The following PLD1 variants were observed in gnomAD, a reference collection of about 807,000 sequenced individuals.
PLD1 encodes the protein phospholipase D1, also known as choline phosphatase 1.
Under a neutral mutation model 137.1 loss-of-function variants are expected in PLD1, and 112 were observed. The observed-to-expected ratio is 0.82, with a 90% CI of 0.70 to 0.96. The LOEUF (loss-of-function observed/expected upper bound fraction) is 0.96, where lower values mean the gene tolerates loss of function less well. Among genes scored for constraint, PLD1 ranks in the 40% least tolerant of loss-of-function variants. The pLI, the probability that PLD1 is intolerant of heterozygous loss-of-function variation, is 0.00. For synonymous variants in PLD1, 431 were observed against 454.7 expected, an observed-to-expected ratio of 0.95 and a Z score of 0.66; for missense variants, 1,321 against 1,342.0, an observed-to-expected ratio of 0.98 and a Z score of 0.24.
chr3:171,691,481 T>C (rs1458956273), intron 13 of PLD1, among the ~76,000 whole-genome samples: 1 of 152,196 alleles, frequency 6.6e-6, no homozygotes, highest in Admixed American at 6.5e-5. Context: ...AGCTATATAT[T>C]TGATTGCTAT....
chr3:171,769,592 G>A (rs1315122686), intron 1 of PLD1, among the ~76,000 whole-genome samples: 1 of 152,118 alleles, frequency 6.6e-6, no homozygotes, highest in African/African-American at 2.4e-5. Flanking sequence ...ACAGAGGCAG[G>A]GGCAATAACA....
chr3:171,780,537 G>A (rs897757701), intron 1 of PLD1, among the ~76,000 whole-genome samples: 3 of 64,704 alleles, frequency 4.6e-5, no homozygotes, highest in Middle Eastern at 0.014. Context: ...CCAGTAAAGG[G>A]GGCCAAAAAA....
intron 1 of PLD1, among the ~76,000 whole-genome samples, chr3:171,763,678 A>C (rs1164903732): frequency 2.6e-5 from 4 of 151,986 alleles, no homozygotes. Context: ...ATTATTCCTG[A>C]TCCCTGATTT....
Position 171,735,651 on chromosome 3 carries a change from T to C in PLD1, c.289-14A>G, listed in dbSNP as rs1225510351. 12 of 1,414,330 alleles carry C rather than the reference T, an allele frequency of 8.5e-6. No homozygotes were observed. Among genetic ancestry groups the C allele is most frequent in the Non-Finnish European group, 1.1e-5 (11 of 1,001,960 alleles). 87.6% of individuals were successfully genotyped at this position (1,414,330 alleles called of 1,614,324 possible). A position where few individuals can be genotyped will look rare whatever the true frequency, so the allele number is the denominator to read the frequency against. The stretch of plus-strand genomic sequence containing the variant: ...AATACTTGGTACCTACAGTGATACA[T>C]AAAAATGTTTGATATTTTAGATAAC... On this transcript the variant is annotated splice_polypyrimidine_tract_variant and intron_variant, in intron 3 of 26. Coordinates refer to ENST00000351298, the MANE Select transcript of PLD1 (RefSeq NM_002662.5).
At chr3:171,760,984 T>C (rs769884711) in intron 1 of PLD1, among the ~76,000 whole-genome samples, 1 of 152,182 alleles carries the variant, frequency 6.6e-6, no homozygotes, top group Non-Finnish European at 1.5e-5. Flanking sequence ...AATCACACTG[T>C]AAAAATATGG....
In PLD1 at chr3:171,603,117, C is replaced by T. The variant is rs6766336; in HGVS notation, c.3186G>A (p.Gly1062=). The stretch of plus-strand genomic sequence containing the variant: ...CCATGGGCACTATGGCCTCTTTGGT[C>T]CCAACAGAAGGCAGTAGGCTTTCTT... ...LSEESLLPSV[G]TKEAIVPMEV... is the part of the protein sequence containing the mutation. Residue 1062 remains glycine, a synonymous_variant, in exon 27 of 27, where the codon GGG becomes GGA. Transcript: ENST00000351298. The T allele has an allele frequency of 0.018, 29,392 of 1,613,854 alleles. 908 individuals carry two copies. The highest frequency in any genetic ancestry group is 0.14 in the African/African-American group (10,705 of 74,962).
chr3:171,671,527 G>A (rs951934038), intron 19 of PLD1, among the ~76,000 whole-genome samples: 5 of 152,116 alleles, frequency 3.3e-5, no homozygotes, highest in Non-Finnish European at 5.9e-5. Context: ...CAGAATTACT[G>A]TAATAGCCTC....
chr3:171,764,882 A>AGGAAG (rs753055773), intron 1 of PLD1, among the ~76,000 whole-genome samples: 1 of 27,050 alleles, frequency 3.7e-5, no homozygotes, highest in African/African-American at 1.7e-4. Context: ...AAAGAAAGAA[A>AGGAAG]GAAAGAAAGA....
chr3:171,751,785 G>C (rs1015363833), intron 1 of PLD1, among the ~76,000 whole-genome samples: 1 of 152,186 alleles, frequency 6.6e-6, no homozygotes, highest in Non-Finnish European at 1.5e-5. Flanking sequence ...CGGATCACGA[G>C]GTCAGGAGAT....
intron 1 of PLD1, among the ~76,000 whole-genome samples, chr3:171,764,252 G>T (rs1357294211): frequency 1.3e-5 from 2 of 152,162 alleles, no homozygotes; most frequent in African/African-American, 2.4e-5. Flanking sequence ...GAGGTTACAG[G>T]CATGAGCCAC....
intron 1 of PLD1, among the ~76,000 whole-genome samples, chr3:171,779,372 G>A (rs1722701897): frequency 1.3e-5 from 2 of 152,174 alleles, no homozygotes; most frequent in Admixed American, 6.5e-5. Context: ...GTAAAAAAAA[G>A]AGAGGTGTCA....
intron 21 of PLD1, among the ~76,000 whole-genome samples, chr3:171,651,627 C>T (rs1161074815): frequency 6.6e-6 from 1 of 152,086 alleles, no homozygotes; most frequent in Admixed American, 6.6e-5. Context: ...AAACACACAT[C>T]AGTTTTCTCA....
chr3:171,626,590 G>C (rs1230565904), intron 23 of PLD1, among the ~76,000 whole-genome samples: 1 of 152,014 alleles, frequency 6.6e-6, no homozygotes, highest in Non-Finnish European at 1.5e-5. Context: ...AAATGTTAAG[G>C]GCAGCCAGAG....
intron 1 of PLD1, among the ~76,000 whole-genome samples, chr3:171,802,914 G>A (rs1723702762): frequency 6.6e-6 from 1 of 152,200 alleles, no homozygotes; most frequent in South Asian, 2.1e-4. Flanking sequence ...GCCAGGGCTG[G>A]AGAGCAAGAG....
chr3:171,732,881 T>A (rs1313539555), intron 6 of PLD1, among the ~76,000 whole-genome samples: 1 of 152,196 alleles, frequency 6.6e-6, no homozygotes, highest in East Asian at 1.9e-4. Flanking sequence ...CCAAGCTTAA[T>A]CTCTGTGGCT....
intron 11 of PLD1, among the ~76,000 whole-genome samples, chr3:171,703,872 A>G (rs16856581): frequency 0.33 from 49,573 of 152,014 alleles, 9,632 homozygotes; most frequent in African/African-American, 0.53. Context: ...TTGCAGTGGA[A>G]AGCCCAAAGT....
intron 1 of PLD1, among the ~76,000 whole-genome samples, chr3:171,768,463 C>T (rs1722126443): frequency 1.3e-5 from 2 of 152,160 alleles, no homozygotes; most frequent in African/African-American, 2.4e-5. Flanking sequence ...CCAAACCGTA[C>T]GCTGCAAAGA....
intron 9 of PLD1, among the ~76,000 whole-genome samples, chr3:171,711,110 CG>C (rs974240250): frequency 5.4e-5 from 8 of 148,966 alleles, no homozygotes; most frequent in Non-Finnish European, 7.4e-5. Context: ...CTCAGGGGAT[CG>C]GCCTGCCTCG....
intron 21 of PLD1, among the ~76,000 whole-genome samples, chr3:171,648,557 CTTT>C (rs201821154): frequency 7.0e-6 from 1 of 143,340 alleles, no homozygotes; most frequent in Non-Finnish European, 1.5e-5. Flanking sequence ...AACATAGTTA[CTTT>C]TTTTTTTTTT....
Sources: gnomAD v4.1 joint callset for allele counts (sites outside exome capture counted in the v4.1 genomes callset) on GRCh38, gnomAD v4.1.1 for gene constraint, MANE v1.5 for transcripts, NCBI Gene and HGNC (gene_info 2026-07-23, HGNC 2026-07-21) for gene names.